Variants in UVRAG observed in about 807,000 individuals in gnomAD.
UVRAG encodes the protein UV radiation resistance associated, also known as UV radiation resistance-associated gene protein.
In UVRAG, 19 loss-of-function variants were observed where a neutral mutation model predicts 78.0. The ratio of observed to expected loss-of-function variants is 0.24; its 90% CI spans 0.17 to 0.36. The LOEUF (loss-of-function observed/expected upper bound fraction) is 0.36, where lower values mean the gene tolerates loss of function less well. UVRAG is among the 10% of genes least tolerant of loss of function. The pLI is 1.00. For missense variants in UVRAG, 740 were observed against 853.8 expected (o/e 0.87, Z 1.66); for synonymous variants, 323 against 324.6 (o/e 1.00, Z 0.05).
At chr11:75,907,177 GTCCAGTTTGGAATACACTTTATTTT>G (rs1947634045) in intron 5 of UVRAG, among the ~76,000 whole-genome samples, 1 of 152,088 alleles carries the variant, frequency 6.6e-6, no homozygotes. Context: ...ATTTATTTTG[GTCCAGTTTGGAATACACTTTATTTT>G]TCTTGCCTAA....
intron 13 of UVRAG, among the ~76,000 whole-genome samples, chr11:76,110,421 G>A (rs1405142292): frequency 6.6e-6 from 1 of 152,128 alleles, no homozygotes; most frequent in Non-Finnish European, 1.5e-5. Flanking sequence ...CAACTAGTAA[G>A]TGACAGTACT....
chr11:76,030,815 C>A (rs1950422782), intron 12 of UVRAG, among the ~76,000 whole-genome samples: 1 of 152,090 alleles, frequency 6.6e-6, no homozygotes, highest in South Asian at 2.1e-4. Context: ...AACTGTAATT[C>A]TTTTGGATTC....
intron 12 of UVRAG, among the ~76,000 whole-genome samples, chr11:76,026,411 T>C (rs141211007): frequency 1.5e-4 from 23 of 152,252 alleles, no homozygotes; most frequent in Non-Finnish European, 2.6e-4. Flanking sequence ...GCTATTTTAG[T>C]GCAGAGAGTT....
chr11:75,914,813 G>A (rs1024636739), intron 6 of UVRAG, among the ~76,000 whole-genome samples: 8 of 151,822 alleles, frequency 5.3e-5, no homozygotes, highest in Admixed American at 2.0e-4. Context: ...TTTTTTGAGA[G>A]TATATTCTAG....
chr11:76,113,822 A>C (rs962489401), intron 13 of UVRAG, among the ~76,000 whole-genome samples: 2 of 152,112 alleles, frequency 1.3e-5, no homozygotes, highest in Admixed American at 6.5e-5. Context: ...GGGTCTCTTT[A>C]AGCTGTAAAA....
chr11:75,966,604 T>G (rs1949028812), intron 7 of UVRAG, among the ~76,000 whole-genome samples: 1 of 152,230 alleles, frequency 6.6e-6, no homozygotes, highest in South Asian at 2.1e-4. Context: ...GGTTGGCATA[T>G]GTTGGTTTTC....
chr11:76,142,074 C>T lies in UVRAG; in HGVS notation c.*661C>T, dbSNP rs1397079906. On this transcript the variant is annotated 3_prime_UTR_variant, in exon 15 of 15. Coordinates refer to ENST00000356136, the MANE Select transcript of UVRAG (RefSeq NM_003369.4). ...ACCCAGTAGCTGTGACGTTCCATCT[C>T]TTCTAACCAGCCATGGCCTTCCCCT... is the stretch of plus-strand genomic sequence containing the variant. The T allele has an allele frequency of 6.6e-6, 1 of 152,370 alleles. No individual in the cohort carries two copies. Among genetic ancestry groups the T allele is most frequent in the African/African-American group, 2.4e-5 (1 of 41,464 alleles). The allele number at this position is 152,370 out of a possible 1,614,324, so 9.4% of individuals were successfully genotyped here. A position where few individuals can be genotyped will look rare whatever the true frequency, so the allele number is the denominator to read the frequency against.
At chr11:75,840,663 T>G (rs1945889327) in intron 1 of UVRAG, among the ~76,000 whole-genome samples, 1 of 152,162 alleles carries the variant, frequency 6.6e-6, no homozygotes, top group Non-Finnish European at 1.5e-5. Context: ...GTTGTGTAAT[T>G]TGTGCCAGAG....
intron 2 of UVRAG, among the ~76,000 whole-genome samples, chr11:75,852,251 A>G (rs1946169140): frequency 6.6e-6 from 1 of 152,232 alleles, no homozygotes; most frequent in South Asian, 2.1e-4. Flanking sequence ...TTAATGGTCT[A>G]GCAGCTAGCA....
chr11:76,043,512 T>G (rs1950690468), intron 12 of UVRAG, among the ~76,000 whole-genome samples: 1 of 152,236 alleles, frequency 6.6e-6, no homozygotes, highest in Non-Finnish European at 1.5e-5. Context: ...GGAAGTTATA[T>G]GTTCTAGAGG....
chr11:75,942,799 A>G (rs952771966), intron 6 of UVRAG, among the ~76,000 whole-genome samples: 2 of 152,176 alleles, frequency 1.3e-5, no homozygotes, highest in Non-Finnish European at 2.9e-5. Flanking sequence ...GTCAAGATAA[A>G]TGTATTCAAG....
At chr11:75,919,942 T>C (rs187889012) in intron 6 of UVRAG, among the ~76,000 whole-genome samples, 4 of 132,834 alleles carry the variant, frequency 3.0e-5, no homozygotes, top group Non-Finnish European at 6.2e-5. Flanking sequence ...AGAGCCTTCA[T>C]AAGAAAGCAG....
At chr11:75,829,325 G>C (rs1945603387) in intron 1 of UVRAG, among the ~76,000 whole-genome samples, 1 of 152,114 alleles carries the variant, frequency 6.6e-6, no homozygotes, top group African/African-American at 2.4e-5. Context: ...TTAGAAAGCT[G>C]CTTCTCATGT....
intron 3 of UVRAG, among the ~76,000 whole-genome samples, chr11:75,877,957 G>A (rs1257452661): frequency 5.3e-5 from 8 of 150,902 alleles, no homozygotes; most frequent in Non-Finnish European, 8.9e-5. Flanking sequence ...GGCCTGGTGG[G>A]GGCTGACCCC....
In UVRAG at chr11:75,950,226, G is replaced by GT. The variant is rs368644105; in HGVS notation, c.594-11212dup. ...AAGCCGATAGGAACACCTTACACAA[G>GT]TTTTTTGTGGTCATGTGCTTTCTCC... On this transcript the variant is annotated intron_variant, in intron 6 of 14. Coordinates refer to ENST00000356136, the MANE Select transcript of UVRAG (RefSeq NM_003369.4). Among the ~76,000 whole-genome samples, 685 of 152,216 alleles carry GT rather than the reference G, an allele frequency of 4.5e-3. 3 individuals carry two copies. Among genetic ancestry groups the GT allele is most frequent in the African/African-American group, 0.013 (520 of 41,530 alleles).
intron 11 of UVRAG, among the ~76,000 whole-genome samples, chr11:76,009,394 T>A (rs1348752055): frequency 6.6e-6 from 1 of 152,214 alleles, no homozygotes; most frequent in Non-Finnish European, 1.5e-5. Context: ...AATATGATCC[T>A]TAGTAATTTC....
At chr11:75,991,879 A>G (rs1949613842) in intron 8 of UVRAG, among the ~76,000 whole-genome samples, 1 of 152,158 alleles carries the variant, frequency 6.6e-6, no homozygotes, top group South Asian at 2.1e-4. Flanking sequence ...GTTTAATAAT[A>G]ATTGCTCATA....
chr11:76,030,563 T>C (rs916946775), intron 12 of UVRAG, among the ~76,000 whole-genome samples: 2 of 152,196 alleles, frequency 1.3e-5, no homozygotes, highest in Non-Finnish European at 2.9e-5. Flanking sequence ...TTTACTTTTT[T>C]AGTCATATCC....
At chr11:75,839,757 T>G (rs1293802126) in intron 1 of UVRAG, among the ~76,000 whole-genome samples, 1 of 151,880 alleles carries the variant, frequency 6.6e-6, no homozygotes, top group Admixed American at 6.6e-5. Context: ...TATATGAATA[T>G]ATTCATCAGT....
Sources: gnomAD v4.1 joint callset for allele counts (sites outside exome capture counted in the v4.1 genomes callset) on GRCh38, gnomAD v4.1.1 for gene constraint, MANE v1.5 for transcripts, NCBI Gene and HGNC (gene_info 2026-07-23, HGNC 2026-07-21) for gene names.